Variants in TMEM132B observed in about 807,000 individuals in gnomAD.
TMEM132B encodes transmembrane protein 132B.
TMEM132B carries 18 observed loss-of-function variants against 90.8 expected under a neutral mutation model. The observed-to-expected ratio is 0.20, with a 90% CI of 0.14 to 0.29. TMEM132B has a LOEUF of 0.29. Among genes scored for constraint, TMEM132B ranks in the 10% least tolerant of loss-of-function variants. TMEM132B has a pLI of 1.00. For synonymous variants in TMEM132B, 504 were observed against 523.3 expected (o/e 0.96, Z 0.50); for missense variants, 1,096 against 1,326.8 (o/e 0.83, Z 2.70).
intron 3 of TMEM132B, among the ~76,000 whole-genome samples, chr12:125,449,060 G>T (rs1881081926): frequency 6.7e-6 from 1 of 148,436 alleles, no homozygotes; most frequent in Non-Finnish European, 1.5e-5. Flanking sequence ...TCTGCCTCCT[G>T]GGCTCACACC....
chr12:125,221,845 G>A (rs1232617330), intron 1 of TMEM132B, among the ~76,000 whole-genome samples: 1 of 152,220 alleles, frequency 6.6e-6, no homozygotes, highest in Admixed American at 6.5e-5. Flanking sequence ...TGGACAACTT[G>A]TGGGAAGGGA....
chr12:125,607,358 A>G (rs1019010391), intron 5 of TMEM132B, among the ~76,000 whole-genome samples: 1 of 152,256 alleles, frequency 6.6e-6, no homozygotes, highest in Non-Finnish European at 1.5e-5. Flanking sequence ...GATAGCATTT[A>G]TGGACAGAAA....
chr12:125,471,258 G>A (rs1311776041), intron 3 of TMEM132B, among the ~76,000 whole-genome samples: 2 of 152,252 alleles, frequency 1.3e-5, no homozygotes, highest in Non-Finnish European at 2.9e-5. Context: ...GCCATGGGCT[G>A]CTGTGGTCCG....
intron 1 of TMEM132B, among the ~76,000 whole-genome samples, chr12:125,333,564 G>C (rs1292086765): frequency 6.6e-6 from 1 of 152,156 alleles, no homozygotes; most frequent in Non-Finnish European, 1.5e-5. Context: ...GTGGACTGGA[G>C]GGCAGGCAGG....
chr12:125,598,841 G>C (rs1472500789), intron 5 of TMEM132B, among the ~76,000 whole-genome samples: 1 of 152,120 alleles, frequency 6.6e-6, no homozygotes, highest in Non-Finnish European at 1.5e-5. Context: ...TAATAGAGGG[G>C]GTGTGCTGGT....
intron 2 of TMEM132B, among the ~76,000 whole-genome samples, chr12:125,360,014 G>GT (rs1178761904): frequency 4.5e-4 from 69 of 152,194 alleles, no homozygotes; most frequent in Admixed American, 1.3e-4. Context: ...GGAGGTGGAG[G>GT]TTGCAGTGAG....
At chr12:125,302,131 C>T (rs955749632) in intron 1 of TMEM132B, among the ~76,000 whole-genome samples, 24 of 151,522 alleles carry the variant, frequency 1.6e-4, no homozygotes, top group African/African-American at 4.6e-4. Flanking sequence ...ACCTGGGAGG[C>T]GGAGGTTGCA....
intron 1 of TMEM132B, among the ~76,000 whole-genome samples, chr12:125,283,003 A>G (rs1175367260): frequency 6.6e-6 from 1 of 152,192 alleles, no homozygotes; most frequent in African/African-American, 2.4e-5. Flanking sequence ...GAAAGCGGGT[A>G]TTCTGTTCAC....
At chr12:125,476,005 C>T (rs886856960) in intron 3 of TMEM132B, among the ~76,000 whole-genome samples, 2 of 152,108 alleles carry the variant, frequency 1.3e-5, no homozygotes, top group African/African-American at 4.8e-5. Context: ...CTGCTTTCTG[C>T]TTTTGCTCCT....
intron 1 of TMEM132B, among the ~76,000 whole-genome samples, chr12:125,198,554 G>A (rs190731938): frequency 5.1e-4 from 78 of 152,318 alleles, no homozygotes; most frequent in Non-Finnish European, 9.1e-4. Flanking sequence ...AGTAATTTGG[G>A]TCATGTGCTG....
rs551264736 is a variant in TMEM132B, at chr12:125,337,244, A to G, written c.68-12208A>G. ...ACTGCTGTCCAAATCGTAAGCCTAT[A>G]CCATGTTGGTTTATTTGGTTGTCAC... On this transcript the variant is annotated intron_variant, in intron 1 of 8. Coordinates refer to ENST00000682704, the MANE Select transcript of TMEM132B (RefSeq NM_001366854.1). 3.6e-4 allele frequency among the ~76,000 whole-genome samples: 55 copies of G among 152,202 alleles called. No individual in the cohort carries two copies. In the Middle Eastern group the frequency reaches 0.01, roughly 28 times the overall value.
intron 2 of TMEM132B, among the ~76,000 whole-genome samples, chr12:125,360,873 T>C (rs1181955215): frequency 6.6e-6 from 1 of 151,916 alleles, no homozygotes; most frequent in East Asian, 1.9e-4. Flanking sequence ...TCAATAAGGC[T>C]TGGGGTGAAA....
At chr12:125,479,652 C>T (rs1357145661) in intron 3 of TMEM132B, among the ~76,000 whole-genome samples, 1 of 152,140 alleles carries the variant, frequency 6.6e-6, no homozygotes, top group African/African-American at 2.4e-5. Flanking sequence ...GACTCCCACA[C>T]AATAATAATG....
intron 4 of TMEM132B, among the ~76,000 whole-genome samples, chr12:125,541,320 T>G (rs1883950502): frequency 6.6e-6 from 1 of 152,224 alleles, no homozygotes; most frequent in Non-Finnish European, 1.5e-5. Flanking sequence ...CAGCCTCTTA[T>G]GCGGGAGCTA....
At chr12:125,416,153 T>C (rs993245685) in intron 3 of TMEM132B, among the ~76,000 whole-genome samples, 5 of 152,220 alleles carry the variant, frequency 3.3e-5, no homozygotes, top group African/African-American at 1.2e-4. Context: ...ACACCAGCCT[T>C]GGGCTTTACA....
intron 1 of TMEM132B, among the ~76,000 whole-genome samples, chr12:125,189,704 G>A (rs1320209165): frequency 2.0e-5 from 3 of 151,982 alleles, no homozygotes; most frequent in African/African-American, 7.2e-5. Flanking sequence ...TTGGGGAGGC[G>A]TGGGGCTTCT....
intron 3 of TMEM132B, among the ~76,000 whole-genome samples, chr12:125,457,396 T>G (rs1365839600): frequency 3.9e-5 from 6 of 152,224 alleles, no homozygotes; most frequent in Non-Finnish European, 8.8e-5. Context: ...GAGTTGGAAT[T>G]GGGATCTGCA....
chr12:125,258,346 A>G (rs1874486108), intron 1 of TMEM132B, among the ~76,000 whole-genome samples: 2 of 152,182 alleles, frequency 1.3e-5, no homozygotes, highest in African/African-American at 2.4e-5. Context: ...CTGCTCCACA[A>G]TGTCTGGGCT....
intron 1 of TMEM132B, among the ~76,000 whole-genome samples, chr12:125,328,044 C>T (rs1251285753): frequency 2.0e-5 from 3 of 152,236 alleles, no homozygotes; most frequent in Admixed American, 1.3e-4. Flanking sequence ...TCACCCTGCC[C>T]TTGGGGCTGG....
Sources: allele counts gnomAD v4.1 joint callset (sites outside exome capture counted in the v4.1 genomes callset), GRCh38; gene constraint gnomAD v4.1.1; transcripts MANE v1.5; gene names NCBI Gene and HGNC (gene_info 2026-07-23, HGNC 2026-07-21).